The following XXYLT1 variants were observed in gnomAD, a reference collection of about 807,000 sequenced individuals.
The protein encoded by XXYLT1 is xyloside xylosyltransferase 1.
A neutral mutation model predicts 28.9 loss-of-function variants in XXYLT1; 20 were observed. The ratio of observed to expected loss-of-function variants is 0.69; its 90% CI spans 0.49 to 1.00. The LOEUF is 1.00. XXYLT1 is among the 50% of genes least tolerant of loss of function. The pLI is 0.00. For synonymous variants in XXYLT1, 257 were observed against 253.8 expected (o/e 1.01, Z -0.12); for missense variants, 542 against 560.1 (o/e 0.97, Z 0.33).
At chr3:195,269,728 C>A (rs1725955656) in intron 1 of XXYLT1, among the ~76,000 whole-genome samples, 1 of 152,234 alleles carries the variant, frequency 6.6e-6, no homozygotes, top group Non-Finnish European at 1.5e-5. Flanking sequence ...CCTACTACTC[C>A]TTAAAATCTG....
chr3:195,239,323 T>TGG (rs1724683307), intron 1 of XXYLT1, among the ~76,000 whole-genome samples: 1 of 152,090 alleles, frequency 6.6e-6, no homozygotes, highest in Non-Finnish European at 1.5e-5. Context: ...GGCTGATGCC[T>TGG]GGCAGTGCGG....
At chr3:195,270,079 A>T (rs1725967021) in intron 1 of XXYLT1, 1 of 244,070 alleles carries the variant, frequency 4.1e-6, no homozygotes, top group African/African-American at 2.3e-5. Flanking sequence ...ACCAGATCCT[A>T]CTGAAATACC....
intron 1 of XXYLT1, among the ~76,000 whole-genome samples, chr3:195,251,224 G>C (rs1208126607): frequency 6.6e-6 from 1 of 152,244 alleles, no homozygotes; most frequent in Non-Finnish European, 1.5e-5. Flanking sequence ...AAGCCTAGCA[G>C]ACCATGGTTA....
In XXYLT1 at chr3:195,076,909, C is replaced by A. The variant is rs1389547867; in HGVS notation, c.786-6798G>T. ...TCATCTCAACTCTTTATATCTGCAA[C>A]AACCCCATTCCCACAAAAGGTGACA... On this transcript the variant is annotated intron_variant, in intron 3 of 3. Transcript: ENST00000310380. This position sits in a 1 kb window ranked among gnomAD's most constrained non-coding sequence, Gnocchi z 5.3. 1.3e-5 allele frequency among the ~76,000 whole-genome samples: 2 copies of A among 152,188 alleles called. No homozygotes were observed. Among genetic ancestry groups the A allele is most frequent in the African/African-American group, 4.8e-5 (2 of 41,448 alleles).
chr3:195,141,637 C>T (rs941839074), intron 3 of XXYLT1, among the ~76,000 whole-genome samples: 40 of 152,328 alleles, frequency 2.6e-4, no homozygotes, highest in African/African-American at 9.1e-4. Context: ...AGACCGAGAG[C>T]TCAGTGGGGT....
intron 2 of XXYLT1, among the ~76,000 whole-genome samples, chr3:195,172,840 G>C (rs1721477184): frequency 6.6e-6 from 1 of 152,220 alleles, no homozygotes; most frequent in South Asian, 2.1e-4. Context: ...GGCAAAGGGA[G>C]TCACTAGTGA....
chr3:195,112,546 T>C (rs1169502909), intron 3 of XXYLT1, among the ~76,000 whole-genome samples: 1 of 140,400 alleles, frequency 7.1e-6, no homozygotes, highest in Non-Finnish European at 1.5e-5. Flanking sequence ...CAGCCCCAGG[T>C]GGGAACAGCT....
At position 195,070,116 on chromosome 3, in the gene XXYLT1, G is replaced by A. The variant is rs774330140; in HGVS notation, c.786-5C>T. 2.6e-6 allele frequency: 4 copies of A among 1,549,946 alleles called. No homozygotes were observed. The highest frequency in any genetic ancestry group is 2.6e-6 in the Non-Finnish European group (3 of 1,155,478). On this transcript the variant is annotated splice_polypyrimidine_tract_variant and splice_region_variant and intron_variant, in intron 3 of 3. Transcript: ENST00000310380. Reference sequence around the variant, plus strand: ...CGGAACTGCCAGAATGTGTGCCTGTGGAGAGAGAGGACAGAGTTAGTCCGG... The same window carrying A: ...CGGAACTGCCAGAATGTGTGCCTGTAGAGAGAGAGGACAGAGTTAGTCCGG...
intron 3 of XXYLT1, among the ~76,000 whole-genome samples, chr3:195,084,803 ACAGTGAATCAC>A: frequency 6.6e-6 from 1 of 152,332 alleles, no homozygotes; most frequent in East Asian, 1.9e-4. Context: ...TGTGAAGAGC[ACAGTGAATCAC>A]ACAGACACCC....
intron 3 of XXYLT1, among the ~76,000 whole-genome samples, chr3:195,110,227 A>G (rs1717471066): frequency 1.3e-4 from 3 of 23,244 alleles, no homozygotes; most frequent in Non-Finnish European, 2.1e-4. Context: ...TGTGGTGTAT[A>G]AGTGTGTGGT....
intron 3 of XXYLT1, among the ~76,000 whole-genome samples, chr3:195,074,473 A>G (rs1356389979): frequency 6.6e-6 from 1 of 152,132 alleles, no homozygotes; most frequent in African/African-American, 2.4e-5. Context: ...GCCTGGCCCA[A>G]TGAGCTCGTT....
At chr3:195,119,060 G>A (rs1354204624) in intron 3 of XXYLT1, among the ~76,000 whole-genome samples, 2 of 151,936 alleles carry the variant, frequency 1.3e-5, no homozygotes, top group African/African-American at 2.4e-5. Flanking sequence ...GGTGGATCAC[G>A]AGGTCAGGAG....
intron 2 of XXYLT1, among the ~76,000 whole-genome samples, chr3:195,187,753 T>A (rs1722264585): frequency 1.3e-5 from 2 of 152,210 alleles, no homozygotes; most frequent in Admixed American, 1.3e-4. Context: ...CCACCGAACA[T>A]GCTCTTAATA....
intron 2 of XXYLT1, among the ~76,000 whole-genome samples, chr3:195,223,927 C>G (rs990867140): frequency 6.6e-6 from 1 of 152,120 alleles, no homozygotes; most frequent in South Asian, 2.1e-4. Context: ...GAGGCCGAGG[C>G]GGGCGGATCA....
intron 2 of XXYLT1, among the ~76,000 whole-genome samples, chr3:195,193,439 A>T (rs1722504122): frequency 6.6e-6 from 1 of 152,348 alleles, no homozygotes; most frequent in East Asian, 1.9e-4. Context: ...ATGTTCATGC[A>T]TTGGAAGCCT....
intron 1 of XXYLT1, among the ~76,000 whole-genome samples, chr3:195,233,322 TTCAC>T (rs1724382947): frequency 6.6e-6 from 1 of 152,184 alleles, no homozygotes; most frequent in African/African-American, 2.4e-5. Flanking sequence ...AATCTATTCA[TTCAC>T]TCTTTGTCTT....
chr3:195,232,909 C>A (rs1285502976), intron 1 of XXYLT1, among the ~76,000 whole-genome samples: 2 of 152,142 alleles, frequency 1.3e-5, no homozygotes, highest in Non-Finnish European at 2.9e-5. Flanking sequence ...GTCTATGGTG[C>A]AGATTAAGTC....
chr3:195,163,589 C>T (rs1264984605), intron 2 of XXYLT1, among the ~76,000 whole-genome samples: 3 of 152,236 alleles, frequency 2.0e-5, no homozygotes, highest in Non-Finnish European at 2.9e-5. Flanking sequence ...AAAACTCCTT[C>T]CCATGCTTTA....
rs570075559 is a variant in XXYLT1 at position 195,088,155 on chromosome 3, G to C, written c.786-18044C>G. Among the ~76,000 whole-genome samples the C allele has an allele frequency of 8.1e-4, 91 of 112,250 alleles. 1 individual carries two copies. Among genetic ancestry groups the C allele is most frequent in the Middle Eastern group, 5.2e-3 (1 of 192 alleles). The allele number at this position is 112,250 out of a possible 152,430, so 73.6% of individuals were successfully genotyped here. A position where few individuals can be genotyped will look rare whatever the true frequency, so the allele number is the denominator to read the frequency against. On this transcript the variant is annotated intron_variant, in intron 3 of 3. Transcript: ENST00000310380. ...GCTTGATTAGGTAAACAAAGCAGCC[G>C]GGAAGCTCGAACTGGGTGGAGCCCA...
Sources: allele counts gnomAD v4.1 joint callset (sites outside exome capture counted in the v4.1 genomes callset), GRCh38; gene constraint gnomAD v4.1.1; non-coding constraint Gnocchi (gnomAD v3.1); transcripts MANE v1.5; gene names NCBI Gene and HGNC (gene_info 2026-07-23, HGNC 2026-07-21).